ZNF83: variants seen among roughly 807,000 people sequenced by gnomAD.
ZNF83 encodes the protein zinc finger protein 816B.
For missense variants in ZNF83, 552 were observed against 629.9 expected (o/e 0.88, Z 1.32); for synonymous variants, 209 against 213.0 (o/e 0.98, Z 0.17).
rs569230658 is a variant in ZNF83 at position 52,628,435 on chromosome 19, TTCTC to T, written c.-234+6627_-234+6630del. ...TTGGCACCACACTTCAATCTCTCCT[TTCTC>T]TTAATTTCAATTCCTTTCATTTTCT... On this transcript the variant is annotated intron_variant, in intron 2 of 2. Coordinates refer to ENST00000301096, the Ensembl canonical transcript of ZNF83. Among the ~76,000 whole-genome samples the T allele has an allele frequency of 5.3e-5, 8 of 152,258 alleles. No homozygotes were observed. In the South Asian group the frequency reaches 1.7e-3, roughly 32 times the overall value.
At chr19:52,659,394 G>A (rs948126504) in intron 2 of ZNF83, among the ~76,000 whole-genome samples, 13 of 152,034 alleles carry the variant, frequency 8.6e-5, no homozygotes, top group Non-Finnish European at 1.0e-4. Context: ...GTTTCATCAC[G>A]GGACAATAGT....
exon 3 of ZNF83, chr19:52,612,677 C>A (rs1176825409): frequency 3.0e-5 from 8 of 267,858 alleles, no homozygotes; most frequent in Non-Finnish European, 4.9e-5. Context: ...ATAATGGTTT[C>A]CCACTCTCAG....
At chr19:52,669,603 A>G (rs2061696401) in intron 1 of ZNF83, among the ~76,000 whole-genome samples, 1 of 152,232 alleles carries the variant, frequency 6.6e-6, no homozygotes, top group African/African-American at 2.4e-5. Flanking sequence ...CATTGAAAGT[A>G]AAACAAAGAC....
At chr19:52,648,486 C>A (rs375075229) in intron 3 of ZNF83, among the ~76,000 whole-genome samples, 1 of 152,128 alleles carries the variant, frequency 6.6e-6, no homozygotes, top group African/African-American at 2.4e-5. Context: ...AAGACAAATT[C>A]TTCTACTGTT....
chr19:52,687,649 ATATATATAATG>A (rs2062068163), intron 1 of ZNF83, among the ~76,000 whole-genome samples: 3 of 38,626 alleles, frequency 7.8e-5, no homozygotes, highest in Non-Finnish European at 1.2e-4. Flanking sequence ...ATATATATAT[ATATATATAATG>A]TATATATATA....
intron 1 of ZNF83, among the ~76,000 whole-genome samples, chr19:52,678,903 A>C: frequency 6.6e-6 from 1 of 151,498 alleles, no homozygotes; most frequent in East Asian, 2.0e-4. Context: ...TGAACCCAGG[A>C]GGCCAAGGTT....
chr19:52,624,765 C>G (rs1180634272), intron 2 of ZNF83, among the ~76,000 whole-genome samples: 1 of 152,294 alleles, frequency 6.6e-6, no homozygotes, highest in East Asian at 1.9e-4. Flanking sequence ...CAGCTACCAC[C>G]ACCCTAATAC....
At chr19:52,667,607 G>C (rs2061672409) in intron 1 of ZNF83, among the ~76,000 whole-genome samples, 1 of 152,172 alleles carries the variant, frequency 6.6e-6, no homozygotes, top group South Asian at 2.1e-4. Context: ...GTTTAAGCAA[G>C]TTTCAAAATG....
chr19:52,626,531 ATTC>A (rs1470830421), intron 2 of ZNF83, among the ~76,000 whole-genome samples: 1 of 152,062 alleles, frequency 6.6e-6, no homozygotes, highest in Non-Finnish European at 1.5e-5. Flanking sequence ...GCTACTCCCT[ATTC>A]TTAGTCCCCT....
At chr19:52,623,576 C>T (rs548822995) in intron 2 of ZNF83, among the ~76,000 whole-genome samples, 49 of 152,062 alleles carry the variant, frequency 3.2e-4, no homozygotes, top group South Asian at 8.3e-4. Flanking sequence ...ATCTCATTGC[C>T]GCCCTTCTTC....
At chr19:52,634,651 G>C (rs1287695306) in intron 2 of ZNF83, among the ~76,000 whole-genome samples, 1 of 152,138 alleles carries the variant, frequency 6.6e-6, no homozygotes, top group Non-Finnish European at 1.5e-5. Flanking sequence ...CCCCTTATTT[G>C]TCTCCTTTTC....
intron 1 of ZNF83, among the ~76,000 whole-genome samples, chr19:52,688,759 T>C (rs546247383): frequency 1.3e-5 from 2 of 152,222 alleles, no homozygotes; most frequent in Non-Finnish European, 2.9e-5. Flanking sequence ...ACTGCATTTA[T>C]TCACTCCAAG....
chr19:52,620,270 C>CTGTGTGTGTG (rs377267661), intron 2 of ZNF83, among the ~76,000 whole-genome samples: 82 of 144,518 alleles, frequency 5.7e-4, no homozygotes, highest in African/African-American at 1.6e-3. Context: ...GTGTATATCT[C>CTGTGTGTGTG]TGTGTGTGTG....
intron 1 of ZNF83, among the ~76,000 whole-genome samples, chr19:52,678,847 T>C (rs2061861328): frequency 6.6e-6 from 1 of 151,620 alleles, no homozygotes; most frequent in African/African-American, 2.4e-5. Flanking sequence ...TGGTGGTACA[T>C]GCCTGTAATC....
chr19:52,640,761 A>ATG (rs2061292289), upstream of ZNF83, among the ~76,000 whole-genome samples: 6 of 152,204 alleles, frequency 3.9e-5, no homozygotes, highest in African/African-American at 1.4e-4. Context: ...GCCTGCTCAA[A>ATG]CAAGGCGCTT....
intron 1 of ZNF83, among the ~76,000 whole-genome samples, chr19:52,665,524 T>G (rs2061638429): frequency 6.6e-6 from 1 of 152,196 alleles, no homozygotes; most frequent in African/African-American, 2.4e-5. Flanking sequence ...AGTTCTAAAT[T>G]TCTCTTCAAA....
intron 3 of ZNF83, among the ~76,000 whole-genome samples, chr19:52,645,361 A>C (rs1163898458): frequency 6.6e-6 from 1 of 152,216 alleles, no homozygotes; most frequent in Admixed American, 6.5e-5. Flanking sequence ...CTATTTTGAA[A>C]TTGTTTTAAA....
At chr19:52,688,994 A>T (rs1349311771) in intron 1 of ZNF83, among the ~76,000 whole-genome samples, 5 of 147,536 alleles carry the variant, frequency 3.4e-5, no homozygotes, top group Non-Finnish European at 7.4e-5. Context: ...TTTTACTGTT[A>T]CTCTTTTTCC....
chr19:52,678,465 G>A (rs201386996), intron 1 of ZNF83, among the ~76,000 whole-genome samples: 39 of 121,014 alleles, frequency 3.2e-4, no homozygotes, highest in South Asian at 8.4e-4. Flanking sequence ...AAAAAAAAAA[G>A]AAAAAAGAAA....
Sources: allele counts gnomAD v4.1 joint callset (sites outside exome capture counted in the v4.1 genomes callset), GRCh38; gene constraint gnomAD v4.1.1; transcripts MANE v1.5; gene names NCBI Gene and HGNC (gene_info 2026-07-23, HGNC 2026-07-21).